SLC9B1: variants seen among roughly 807,000 people sequenced by gnomAD.
SLC9B1 encodes solute carrier family 9 member B1.
Under a neutral mutation model 51.7 loss-of-function variants are expected in SLC9B1, and 32 were observed. That is an observed-to-expected ratio of 0.62 (90% CI 0.47 to 0.83). The LOEUF (loss-of-function observed/expected upper bound fraction) is 0.83, where lower values mean the gene tolerates loss of function less well. SLC9B1 is among the 40% of genes least tolerant of loss of function. SLC9B1 has a pLI of 0.00. For missense variants in SLC9B1, 406 were observed against 613.2 expected, an observed-to-expected ratio of 0.66 and a Z score of 3.57; for synonymous variants, 145 against 212.7, an observed-to-expected ratio of 0.68 and a Z score of 2.77.
chr4:102,941,654 A>C (rs1481201131), intron 6 of SLC9B1, among the ~76,000 whole-genome samples: 7 of 105,870 alleles, frequency 6.6e-5, no homozygotes, highest in Admixed American at 5.9e-4. Context: ...AAAAAAAAAA[A>C]AAAAAAACCC....
chr4:103,011,294 T>C (rs528598264), intron 1 of SLC9B1, among the ~76,000 whole-genome samples: 1 of 152,252 alleles, frequency 6.6e-6, no homozygotes, highest in African/African-American at 2.4e-5. Flanking sequence ...ATGTCCTGCC[T>C]TCTGCATACA....
intron 3 of SLC9B1, among the ~76,000 whole-genome samples, chr4:102,974,186 G>A (rs757420516): frequency 2.3e-4 from 30 of 132,296 alleles, no homozygotes; most frequent in South Asian, 5.1e-4. Context: ...GCAGTGAGCC[G>A]AGATTGGGCC....
Position 102,991,185 on chromosome 4 carries a change from C to G in SLC9B1, c.69+458G>C, listed in dbSNP as rs556427548. Among the ~76,000 whole-genome samples the G allele has an allele frequency of 6.0e-4, 91 of 151,836 alleles. No homozygotes were observed. The Middle Eastern group carries it at 0.014, about 23-fold the overall frequency. On this transcript the variant is annotated intron_variant, in intron 2 of 11. Transcript: ENST00000296422. Reference sequence around the variant, plus strand: ...TAGAAATCTCTATTTTAAAAAAATACGAAATTTACAATTCTAATTATGAGC... The same window carrying G: ...TAGAAATCTCTATTTTAAAAAAATAGGAAATTTACAATTCTAATTATGAGC...
intron 2 of SLC9B1, among the ~76,000 whole-genome samples, chr4:102,990,569 C>A (rs1231639943): frequency 9.8e-5 from 14 of 142,744 alleles, no homozygotes; most frequent in African/African-American, 3.6e-4. Flanking sequence ...ATGTAAAAAA[C>A]AAAACATAAA....
intron 9 of SLC9B1, among the ~76,000 whole-genome samples, chr4:102,907,891 C>T (rs1172045922): frequency 1.4e-5 from 2 of 145,896 alleles, no homozygotes; most frequent in African/African-American, 5.1e-5. Context: ...TGTTTTAGTT[C>T]TGTTTCTTTT....
At chr4:102,917,135 A>G (rs1413705681) in intron 7 of SLC9B1, among the ~76,000 whole-genome samples, 1 of 152,082 alleles carries the variant, frequency 6.6e-6, no homozygotes. Context: ...TTGCACATCA[A>G]ACTCTAGGTT....
At chr4:103,019,037 C>G (rs899191678) in intron 1 of SLC9B1, among the ~76,000 whole-genome samples, 2 of 152,272 alleles carry the variant, frequency 1.3e-5, no homozygotes, top group South Asian at 4.1e-4. Flanking sequence ...TCTTGCCCCC[C>G]ACCCCAAACT....
chr4:102,996,120 C>T (rs1740202514), intron 1 of SLC9B1, among the ~76,000 whole-genome samples: 1 of 152,034 alleles, frequency 6.6e-6, no homozygotes, highest in Admixed American at 6.6e-5. Flanking sequence ...GGTGACATTG[C>T]ATTATGAATT....
chr4:102,963,089 T>C (rs1430993446), intron 3 of SLC9B1: 2 of 409,958 alleles, frequency 4.9e-6, no homozygotes, highest in African/African-American at 2.1e-5. Flanking sequence ...TACAGAGAGA[T>C]TTGAAGAGTG....
chr4:102,920,120 G>C (rs1382328932), intron 7 of SLC9B1, among the ~76,000 whole-genome samples: 2 of 152,218 alleles, frequency 1.3e-5, no homozygotes, highest in African/African-American at 2.4e-5. Context: ...TGACCCCTGT[G>C]TAGCCTAACT....
intron 6 of SLC9B1, among the ~76,000 whole-genome samples, chr4:102,936,376 T>A (rs1736723164): frequency 6.6e-6 from 1 of 152,214 alleles, no homozygotes; most frequent in Non-Finnish European, 1.5e-5. Context: ...CTTCAAGCAA[T>A]CATACTAACT....
intron 11 of SLC9B1, among the ~76,000 whole-genome samples, chr4:102,894,239 C>T (rs374219284): frequency 5.3e-5 from 8 of 152,106 alleles, no homozygotes; most frequent in South Asian, 2.1e-4. Flanking sequence ...ATTTATGAAA[C>T]GCCTACAAAA....
At chr4:102,888,956 A>T (rs537045752) in intron 11 of SLC9B1, 2 of 152,250 alleles carry the variant, frequency 1.3e-5, no homozygotes, top group African/African-American at 4.8e-5. Context: ...CTTTCTTTTT[A>T]TAAGAATGTA....
At chr4:102,980,930 A>G (rs1739320539) in intron 3 of SLC9B1, among the ~76,000 whole-genome samples, 1 of 152,158 alleles carries the variant, frequency 6.6e-6, no homozygotes, top group South Asian at 2.1e-4. Flanking sequence ...GTATAATGAC[A>G]TATTTCCATC....
At chr4:102,960,240 TTAAG>T (rs1467214599) in intron 3 of SLC9B1, among the ~76,000 whole-genome samples, 1 of 151,666 alleles carries the variant, frequency 6.6e-6, no homozygotes, top group African/African-American at 2.4e-5. Context: ...TTAAATTGAA[TTAAG>T]TATTAAATTT....
intron 9 of SLC9B1, among the ~76,000 whole-genome samples, chr4:102,907,445 C>T (rs533570414): frequency 2.0e-5 from 3 of 152,358 alleles, no homozygotes; most frequent in South Asian, 4.1e-4. Flanking sequence ...GCTAGGCCTG[C>T]TTCCAAAGAA....
chr4:102,996,001 T>C (rs1740194645), intron 1 of SLC9B1, among the ~76,000 whole-genome samples: 1 of 152,200 alleles, frequency 6.6e-6, no homozygotes, highest in Non-Finnish European at 1.5e-5. Flanking sequence ...ACTTTCAATA[T>C]GGTCATATAA....
At chr4:102,965,336 C>T (rs139221016) in intron 3 of SLC9B1, among the ~76,000 whole-genome samples, 1,556 of 152,176 alleles carry the variant, frequency 0.01, 32 homozygotes, top group African/African-American at 0.035. Context: ...CACAACATGG[C>T]AGAAGACCAA....
intron 4 of SLC9B1, among the ~76,000 whole-genome samples, chr4:102,948,085 T>G (rs1438442473): frequency 6.6e-6 from 1 of 152,092 alleles, no homozygotes; most frequent in Admixed American, 6.6e-5. Flanking sequence ...TATGGTAGGC[T>G]GGCTGAGAGT....
Sources: gnomAD v4.1 joint callset for allele counts (sites outside exome capture counted in the v4.1 genomes callset) on GRCh38, gnomAD v4.1.1 for gene constraint, MANE v1.5 for transcripts, NCBI Gene and HGNC (gene_info 2026-07-23, HGNC 2026-07-21) for gene names.